Variants in RBM23 observed in about 807,000 individuals in gnomAD.
RBM23 encodes the protein probable RNA-binding protein 23.
In RBM23, 53 loss-of-function variants were observed where a neutral mutation model predicts 56.2. That is an observed-to-expected ratio of 0.94 (90% CI 0.76 to 1.19). The LOEUF is 1.19. Ranked by LOEUF, RBM23 falls within the 50% of genes most tolerant of loss-of-function variation. RBM23 has a pLI of 0.00. For missense variants in RBM23, 642 were observed against 590.3 expected (o/e 1.09, Z -0.91); for synonymous variants, 197 against 198.5 (o/e 0.99, Z 0.06).
At chr14:22,914,294 C>A (rs1290413147) in intron 1 of RBM23, among the ~76,000 whole-genome samples, 28 of 138,682 alleles carry the variant, frequency 2.0e-4, no homozygotes, top group African/African-American at 7.6e-4. Context: ...CACTGCACTC[C>A]AGCCTGGTGA....
chr14:22,903,080 C>A, intron 10 of RBM23: 1 of 985,400 alleles, frequency 1.0e-6, no homozygotes. Context: ...CCGCGCCTGG[C>A]CAAATTTTAG....
rs1456277620 is a variant in RBM23 at position 22,902,269 on chromosome 14, G to C, written c.1044C>G (p.Asp348Glu). 20 of 1,614,166 alleles carry C rather than the reference G, an allele frequency of 1.2e-5. No individual in the cohort carries two copies. The highest frequency in any genetic ancestry group is 1.6e-5 in the Non-Finnish European group (19 of 1,180,034). ...HVTERLDGGT[D>E]ITFPDGDQEL... Reference sequence around the variant, plus strand: ...CCTGGTCCCCATCAGGAAAAGTGATGTCTGTGCCACCATCCAGTCGCTCAG... The same window carrying C: ...CCTGGTCCCCATCAGGAAAAGTGATCTCTGTGCCACCATCCAGTCGCTCAG... Residue 348 changes from aspartate (D) to glutamate (E), a missense_variant, in exon 11 of 14, where the codon GAC (aspartate) becomes GAG (glutamate). Coordinates refer to ENST00000359890, the MANE Select transcript of RBM23 (RefSeq NM_001077351.2).
rs114348447 is a variant in RBM23, at chr14:22,910,110, C to A, written c.67-515G>T. 4.9e-3 allele frequency among the ~76,000 whole-genome samples: 662 copies of A among 135,396 alleles called. 5 individuals carry two copies. Among genetic ancestry groups the A allele is most frequent in the African/African-American group, 0.018 (640 of 36,142 alleles). The allele number at this position is 135,396 out of a possible 152,430, so 88.8% of individuals were successfully genotyped here. A position where few individuals can be genotyped will look rare whatever the true frequency, so the allele number is the denominator to read the frequency against. On this transcript the variant is annotated intron_variant, in intron 2 of 13. Transcript: ENST00000359890. Reference sequence around the variant, plus strand: ...AAAGGTTGCAGTAACTGGGATTGTACCACTGCACTCCAGCCTGGGCAGCCT... The same window carrying A: ...AAAGGTTGCAGTAACTGGGATTGTAACACTGCACTCCAGCCTGGGCAGCCT...
chr14:22,918,089 G>A (rs1293302297), intron 1 of RBM23, among the ~76,000 whole-genome samples: 1 of 152,144 alleles, frequency 6.6e-6, no homozygotes, highest in East Asian at 1.9e-4. Flanking sequence ...CCCATGTTGT[G>A]TAGCTTTAAA....
chr14:22,906,101 G>T (rs908981652), intron 5 of RBM23, 94 bp downstream of exon 5: 16 of 1,411,518 alleles, frequency 1.1e-5, no homozygotes, highest in Middle Eastern at 1.9e-4. Context: ...ATCACAATGT[G>T]TTATAATAAG....
At chr14:22,908,682 C>T (rs955263597) in intron 3 of RBM23, 7 of 257,442 alleles carry the variant, frequency 2.7e-5, no homozygotes, top group East Asian at 9.3e-5. Context: ...GCATGAGCCC[C>T]GCGTGAGCAC....
intron 1 of RBM23, chr14:22,917,215 G>T (rs2043682649): frequency 6.6e-6 from 1 of 151,818 alleles, no homozygotes; most frequent in Admixed American, 6.6e-5. Flanking sequence ...CATTTTTGCT[G>T]CCAAGTCTAC....
chr14:22,902,059 A>G lies in RBM23; in HGVS notation c.1167T>C (p.Ala389=), dbSNP rs56708790. 61,937 of 661,596 alleles carry G rather than the reference A, an allele frequency of 0.094. 1,293 individuals are homozygous for G. The highest frequency in any genetic ancestry group is 0.11 in the Non-Finnish European group (48,889 of 449,764). 41.0% of individuals were successfully genotyped at this position (661,596 alleles called of 1,614,324 possible). A position where few individuals can be genotyped will look rare whatever the true frequency, so the allele number is the denominator to read the frequency against. Reference sequence around the variant, plus strand: ...AGGCAGCAGCCTGGGCGGCGGCGGCAGCAGCAGCAGCAGCAGTGCTTGGCA... The same window carrying G: ...AGGCAGCAGCCTGGGCGGCGGCGGCGGCAGCAGCAGCAGCAGTGCTTGGCA... The part of the protein sequence containing the change: ...IQLPSTAAAA[A]AAAAQAAALQ... Residue 389 remains alanine, a synonymous_variant, in exon 12 of 14, where the codon GCT becomes GCC. Coordinates refer to ENST00000359890, the MANE Select transcript of RBM23 (RefSeq NM_001077351.2).
chr14:22,908,381 C>T lies in RBM23; in HGVS notation c.180-1G>A, dbSNP rs978012983. 6 of 1,548,402 alleles carry T rather than the reference C, an allele frequency of 3.9e-6. No homozygotes were observed. The highest frequency in any genetic ancestry group is 8.7e-7 in the Non-Finnish European group (1 of 1,146,764). On this transcript the variant is annotated splice_acceptor_variant, in intron 3 of 13. Transcript: ENST00000359890. LOFTEE classifies it high-confidence loss of function. ...ATTATGGCTCCGACTCCTCTTCTTC[C>T]TGTGAAAGAGAGTACATTCTTCTTT...
At chr14:22,912,500 T>G (rs1436014697) in intron 1 of RBM23, among the ~76,000 whole-genome samples, 1 of 152,152 alleles carries the variant, frequency 6.6e-6, no homozygotes, top group Non-Finnish European at 1.5e-5. Flanking sequence ...CCCCAGGCTG[T>G]CTACCACCAG....
intron 4 of RBM23, 86 bp from the exon 5 acceptor site, chr14:22,906,454 A>AT (rs1358919639): frequency 6.7e-7 from 1 of 1,483,128 alleles, no homozygotes; most frequent in African/African-American, 1.4e-5. Flanking sequence ...CCATAAGATT[A>AT]TAACGGTGCT....
Position 22,911,372 on chromosome 14 carries a change from T to G in RBM23, c.22A>C (p.Ile8Leu). The change falls in exon 2 of 14, where the codon ATA becomes CTA. Residue 8 changes from isoleucine (I) to leucine (L), a missense_variant. Transcript: ENST00000359890. MASDDFD[I>L]VIEAMLEAPY... ...GCTTCCAGCATGGCCTCAATCACTATGTCAAAGTCATCAGATGCCATCCTG... is the reference window on the plus strand; with the variant it reads ...GCTTCCAGCATGGCCTCAATCACTAGGTCAAAGTCATCAGATGCCATCCTG... 1 of 1,613,762 alleles carries G rather than the reference T, an allele frequency of 6.2e-7. No individual in the cohort carries two copies. The highest frequency in any genetic ancestry group is 1.1e-5 in the South Asian group (1 of 91,074).
chr14:22,905,768 A>G, intron 5 of RBM23, 109 bp from the exon 6 acceptor site: 1 of 889,110 alleles, frequency 1.1e-6, no homozygotes, highest in Non-Finnish European at 1.8e-6. Context: ...TTGTTTTTTT[A>G]AGACAGGGTT....
intron 1 of RBM23, among the ~76,000 whole-genome samples, chr14:22,916,623 T>C (rs2043554262): frequency 6.6e-6 from 1 of 151,886 alleles, no homozygotes; most frequent in African/African-American, 2.4e-5. Flanking sequence ...ATCTATTATA[T>C]CAGATTACTT....
At position 22,905,672 on chromosome 14, in the gene RBM23, GAA is replaced by G. The variant is rs2041410614; in HGVS notation, c.402-15_402-14del. On this transcript the variant is annotated splice_polypyrimidine_tract_variant and intron_variant, in intron 5 of 13. Coordinates refer to ENST00000359890, the MANE Select transcript of RBM23 (RefSeq NM_001077351.2). ...TCCATACCTATAACTAAAGAATAGA[GAA>G]AAACAAAAGGTGAAACCTTATTCTC... 2 of 1,593,618 alleles carry G rather than the reference GAA, an allele frequency of 1.3e-6. No individual in the cohort carries two copies. The highest frequency in any genetic ancestry group is 2.7e-5 in the African/African-American group (2 of 74,856).
In RBM23 at chr14:22,905,143, A is replaced by T. The variant is rs780995868; in HGVS notation, c.677T>A (p.Leu226Gln). 4 of 1,614,208 alleles carry T rather than the reference A, an allele frequency of 2.5e-6. No homozygotes were observed. In the South Asian group the frequency reaches 4.4e-5, roughly 18 times the overall value. ...EIQSVPLAIGLTGQRLLGVPI... is the reference protein window; with the variant it reads ...EIQSVPLAIGQTGQRLLGVPI... Reference sequence around the variant, plus strand: ...CACTCCCAGCAACCGCTGCCCAGTCAGCCCAATGGCCAGTGGCACAGACTG... The same window carrying T: ...CACTCCCAGCAACCGCTGCCCAGTCTGCCCAATGGCCAGTGGCACAGACTG... Residue 226 changes from leucine to glutamine, a missense_variant, in exon 8 of 14, where the codon CTG becomes CAG. By Grantham distance (113) the Leu-to-Gln change is moderately radical. Transcript: ENST00000359890.
rs549595121 is a variant in RBM23, at chr14:22,916,258, T to C, written c.-11+2741A>G. Among the ~76,000 whole-genome samples the C allele has an allele frequency of 4.0e-5, 6 of 150,812 alleles. No homozygotes were observed. The South Asian group carries it at 1.3e-3, about 32-fold the overall frequency. Reference sequence around the variant, plus strand: ...AGGTCACACAGCTCAAAGGGAAGAATGTTTTTTTTTTTTTTTGAGACAGGA... The same window carrying C: ...AGGTCACACAGCTCAAAGGGAAGAACGTTTTTTTTTTTTTTTGAGACAGGA... On this transcript the variant is annotated intron_variant, in intron 1 of 13. Transcript: ENST00000359890.
At position 22,895,743 on chromosome 14, in the gene RBM23, C is replaced by G. The variant is rs1438613879; in HGVS notation, c.*5987G>C. The G allele has an allele frequency of 6.6e-6, 1 of 152,322 alleles. No individual in the cohort carries two copies. The highest frequency in any genetic ancestry group is 6.5e-5 in the Admixed American group (1 of 15,282). The allele number at this position is 152,322 out of a possible 1,614,324, so 9.4% of individuals were successfully genotyped here. ...TGAGCTGTGATGGCACCACTGTACT[C>G]CAGCATGGGCAACAGAGCCAGACCC... On this transcript the variant is annotated 3_prime_UTR_variant, in exon 14 of 14. Transcript: ENST00000359890.
chr14:22,902,720 C>CTTTTA lies in RBM23; in HGVS notation c.931-343_931-339dup, dbSNP rs540091383. ...ACAAGCTAAGAACAAGGCTCCTGGG[C>CTTTTA]TTTTAATTCAGTTCTCTATCCTAGT... On this transcript the variant is annotated intron_variant, in intron 10 of 13. Coordinates refer to ENST00000359890, the MANE Select transcript of RBM23 (RefSeq NM_001077351.2). 458 of 564,378 alleles carry CTTTTA rather than the reference C, an allele frequency of 8.1e-4. 15 individuals carry two copies. In the South Asian group the frequency reaches 0.034, roughly 42 times the overall value. 35.0% of individuals were successfully genotyped at this position (564,378 alleles called of 1,614,324 possible).
Sources: gnomAD v4.1 joint callset for allele counts (sites outside exome capture counted in the v4.1 genomes callset) on GRCh38, gnomAD v4.1.1 for gene constraint, MANE v1.5 for transcripts, NCBI Gene and HGNC (gene_info 2026-07-23, HGNC 2026-07-21) for gene names.